Variants in RGS7BP observed in about 807,000 individuals in gnomAD.
The protein encoded by RGS7BP is regulator of G protein signaling 7-binding protein.
In RGS7BP, 9 loss-of-function variants were observed where a neutral mutation model predicts 31.3. That is an observed-to-expected ratio of 0.29 (90% confidence interval 0.17 to 0.50). The LOEUF (loss-of-function observed/expected upper bound fraction) is 0.50. RGS7BP is among the 20% of genes least tolerant of loss of function. The probability of loss-of-function intolerance (pLI) is 0.98; values close to 1 mark genes in which losing one functional copy is unlikely to be tolerated. For missense variants in RGS7BP, 274 were observed against 322.0 expected (o/e 0.85, Z 1.14); for synonymous variants, 115 against 120.1 (o/e 0.96, Z 0.28).
At chr5:64,512,807 G>A (rs1408342341) in intron 2 of RGS7BP, among the ~76,000 whole-genome samples, 1 of 152,104 alleles carries the variant, frequency 6.6e-6, no homozygotes, top group Admixed American at 6.5e-5. Flanking sequence ...CAAAAAGCCT[G>A]TTCTGAGATA....
chr5:64,560,547 A>G (rs1703213039), intron 2 of RGS7BP, among the ~76,000 whole-genome samples: 1 of 145,410 alleles, frequency 6.9e-6, no homozygotes, highest in Non-Finnish European at 1.5e-5. Flanking sequence ...ATCATTGTAT[A>G]TATATATATA....
intron 2 of RGS7BP, among the ~76,000 whole-genome samples, chr5:64,562,126 G>A (rs4700638): frequency 0.64 from 97,216 of 151,954 alleles, 31,594 homozygotes; most frequent in Admixed American, 0.72. Flanking sequence ...ATCATCAAAT[G>A]AAAACAACAT....
intron 3 of RGS7BP, among the ~76,000 whole-genome samples, chr5:64,576,250 A>C (rs143518220): frequency 6.6e-6 from 1 of 152,252 alleles, no homozygotes; most frequent in Non-Finnish European, 1.5e-5. Context: ...ATTTTCCTAA[A>C]TGAATTAAGT....
intron 1 of RGS7BP, among the ~76,000 whole-genome samples, chr5:64,507,050 C>T (rs1040520263): frequency 6.6e-6 from 1 of 152,108 alleles, no homozygotes; most frequent in Non-Finnish European, 1.5e-5. Context: ...TGTACCCCCT[C>T]GAAGAATGGT....
chr5:64,591,703 G>A (rs1377391760), intron 3 of RGS7BP, among the ~76,000 whole-genome samples: 1 of 152,072 alleles, frequency 6.6e-6, no homozygotes, highest in African/African-American at 2.4e-5. Context: ...CTTTATTATG[G>A]AATACTGCCC....
intron 2 of RGS7BP, among the ~76,000 whole-genome samples, chr5:64,550,974 A>G (rs1015861987): frequency 4.6e-5 from 7 of 151,866 alleles, no homozygotes; most frequent in African/African-American, 1.7e-4. Flanking sequence ...TTAATATATT[A>G]AAAATGAAGT....
At position 64,510,230 on chromosome 5, in the gene RGS7BP, A is replaced by G. The variant is rs182481563; in HGVS notation, c.332+2353A>G. On this transcript the variant is annotated intron_variant, in intron 2 of 5. Transcript: ENST00000334025. ...AGGGATTATTATTCTTATTCTACAA[A>G]TAGGTCTAGAGAGATTGAGGAACTT... Among the ~76,000 whole-genome samples, 19 of 152,306 alleles carry G rather than the reference A, an allele frequency of 1.2e-4. No individual in the cohort carries two copies. The East Asian group carries it at 3.7e-3, about 29-fold the overall frequency.
At chr5:64,600,694 T>G (rs757109228) in intron 5 of RGS7BP, among the ~76,000 whole-genome samples, 2 of 152,130 alleles carry the variant, frequency 1.3e-5, no homozygotes, top group Non-Finnish European at 2.9e-5. Context: ...ATTTTAATAA[T>G]CAAAAATAAC....
Position 64,606,039 on chromosome 5 carries a change from T to TATAGAG in RGS7BP, c.683-3121_683-3120insTAGAGA, listed in dbSNP as rs1423740473. ...CTGGATACATATATATATATATATA[T>TATAGAG]AGAGAGAGAGAGAGAGAGAGAAGGC... On this transcript the variant is annotated intron_variant, in intron 5 of 5. Coordinates refer to ENST00000334025, the MANE Select transcript of RGS7BP (RefSeq NM_001029875.3). Among the ~76,000 whole-genome samples, 77 of 123,712 alleles carry TATAGAG rather than the reference T, an allele frequency of 6.2e-4. 2 individuals are homozygous for TATAGAG. Among genetic ancestry groups the TATAGAG allele is most frequent in the African/African-American group, 1.7e-3 (56 of 32,312 alleles). The allele number at this position is 123,712 out of a possible 152,430, so 81.2% of individuals were successfully genotyped here.
In RGS7BP at chr5:64,531,522, G is replaced by A. The variant is rs189371105; in HGVS notation, c.332+23645G>A. Among the ~76,000 whole-genome samples the A allele has an allele frequency of 3.1e-3, 473 of 152,190 alleles. 3 individuals are homozygous for A. The highest frequency in any genetic ancestry group is 4.1e-3 in the Non-Finnish European group (280 of 68,004). On this transcript the variant is annotated intron_variant, in intron 2 of 5. Coordinates refer to ENST00000334025, the MANE Select transcript of RGS7BP (RefSeq NM_001029875.3). ...TCATTTTCTAATCTAGCTGCAGTCC[G>A]TGAAGAAGTCACCCCATGCAATAAG...
chr5:64,582,251 T>G (rs928869645), intron 3 of RGS7BP, among the ~76,000 whole-genome samples: 23 of 152,362 alleles, frequency 1.5e-4, no homozygotes, highest in African/African-American at 5.0e-4. Context: ...TTTCACTCAC[T>G]TCGTTGGCAG....
At chr5:64,528,421 A>G (rs185586021) in intron 2 of RGS7BP, among the ~76,000 whole-genome samples, 4 of 152,312 alleles carry the variant, frequency 2.6e-5, no homozygotes, top group Admixed American at 1.3e-4. Context: ...CAATTGTTCA[A>G]TAAATTTTCA....
chr5:64,584,177 TTCTA>T (rs1025536774), intron 3 of RGS7BP, among the ~76,000 whole-genome samples: 19 of 152,288 alleles, frequency 1.2e-4, no homozygotes, highest in African/African-American at 4.6e-4. Flanking sequence ...GTTAGCTGAA[TTCTA>T]TCTTATTTAA....
intron 3 of RGS7BP, among the ~76,000 whole-genome samples, chr5:64,591,378 A>C (rs1742910499): frequency 6.6e-6 from 1 of 152,116 alleles, no homozygotes; most frequent in Non-Finnish European, 1.5e-5. Flanking sequence ...AAGAAGTTTA[A>C]CCTCGGTAGT....
intron 3 of RGS7BP, among the ~76,000 whole-genome samples, chr5:64,589,241 A>G (rs1742843200): frequency 6.6e-6 from 1 of 152,068 alleles, no homozygotes; most frequent in African/African-American, 2.4e-5. Flanking sequence ...GGTTGCAGTG[A>G]GCTGAGATCA....
At chr5:64,580,692 G>T (rs1277495093) in intron 3 of RGS7BP, among the ~76,000 whole-genome samples, 2 of 152,064 alleles carry the variant, frequency 1.3e-5, no homozygotes, top group African/African-American at 2.4e-5. Context: ...GATTTAAGAT[G>T]CCAGACTAGT....
At chr5:64,551,945 T>A (rs1741804853) in intron 2 of RGS7BP, among the ~76,000 whole-genome samples, 1 of 152,182 alleles carries the variant, frequency 6.6e-6, no homozygotes, top group Admixed American at 6.5e-5. Context: ...AGTTCATCAG[T>A]ATACTAAAAA....
intron 2 of RGS7BP, among the ~76,000 whole-genome samples, chr5:64,516,802 T>C (rs1192545617): frequency 6.6e-6 from 1 of 152,128 alleles, no homozygotes; most frequent in African/African-American, 2.4e-5. Flanking sequence ...GGGCTGCACA[T>C]GGAAATCACC....
chr5:64,556,379 G>A (rs1292468486), intron 2 of RGS7BP, among the ~76,000 whole-genome samples: 1 of 124,592 alleles, frequency 8.0e-6, no homozygotes, highest in South Asian at 3.0e-4. Context: ...TTATGATATC[G>A]TGATAAGTAA....
Sources: gnomAD v4.1 joint callset for allele counts (sites outside exome capture counted in the v4.1 genomes callset) on GRCh38, gnomAD v4.1.1 for gene constraint, MANE v1.5 for transcripts, NCBI Gene and HGNC (gene_info 2026-07-23, HGNC 2026-07-21) for gene names.